HPF1: variants seen among roughly 807,000 people sequenced by gnomAD.
HPF1 encodes histone PARylation factor 1.
A neutral mutation model predicts 38.8 loss-of-function variants in HPF1; 35 were observed. That is an observed-to-expected ratio of 0.90 (90% CI 0.69 to 1.19). HPF1 has a LOEUF of 1.19. HPF1 is among the 50% of genes most tolerant of loss of function. HPF1 has a pLI of 0.00. For synonymous variants in HPF1, 115 were observed against 139.2 expected, an observed-to-expected ratio of 0.83 and a Z score of 1.22; for missense variants, 367 against 405.8, an observed-to-expected ratio of 0.90 and a Z score of 0.82.
chr4:169,752,479 G>A lies in HPF1; in HGVS notation c.208+1197C>T, dbSNP rs139232832. Among the ~76,000 whole-genome samples, 1,209 of 152,252 alleles carry A rather than the reference G, an allele frequency of 7.9e-3. 7 individuals are homozygous for A. Among genetic ancestry groups the A allele is most frequent in the Middle Eastern group, 0.02 (6 of 294 alleles). On this transcript the variant is annotated intron_variant, in intron 2 of 7. Transcript: ENST00000393381. ...AAAAATTTAAATAGTATAGTGCAAA[G>A]TAATGAACACAGCCCATTAACAGTT...
intron 6 of HPF1, among the ~76,000 whole-genome samples, chr4:169,733,517 C>G (rs1477644736): frequency 2.0e-5 from 3 of 152,142 alleles, no homozygotes; most frequent in African/African-American, 7.2e-5. Context: ...CAATTATACT[C>G]AAGAATGATA....
intron 1 of HPF1, among the ~76,000 whole-genome samples, chr4:169,756,411 C>G (rs1734188964): frequency 6.6e-6 from 1 of 152,222 alleles, no homozygotes; most frequent in Non-Finnish European, 1.5e-5. Context: ...ATCCTATCTT[C>G]TGTTTTCATA....
intron 5 of HPF1, among the ~76,000 whole-genome samples, chr4:169,739,650 T>TA (rs1415851924): frequency 3.9e-5 from 6 of 152,066 alleles, no homozygotes; most frequent in Admixed American, 6.6e-5. Context: ...GAATTTCTTC[T>TA]AAAAAAATAA....
intron 4 of HPF1, 39 bp downstream of exon 4, chr4:169,748,705 A>G (rs753309754): frequency 1.0e-6 from 1 of 999,846 alleles, no homozygotes; most frequent in South Asian, 1.5e-5. Flanking sequence ...CTAATGTAGT[A>G]TAAACATTGT....
At chr4:169,746,287 T>C (rs1175090373) in intron 4 of HPF1, among the ~76,000 whole-genome samples, 1 of 152,142 alleles carries the variant, frequency 6.6e-6, no homozygotes, top group African/African-American at 2.4e-5. Context: ...CTGTCCAAAA[T>C]CCCTTTAATA....
rs1581317091 is a variant in HPF1, at chr4:169,741,992, G to T, written c.613C>A (p.Gln205Lys). 4 of 1,613,464 alleles carry T rather than the reference G, an allele frequency of 2.5e-6. No individual in the cohort carries two copies. The highest frequency in any genetic ancestry group is 3.4e-6 in the Non-Finnish European group (4 of 1,179,464). ...CTCTGTTTCATCTTCACGGTTCTCT[G>T]TTCAAGCGAGTACCCCAATTCTCTG... is the stretch of plus-strand genomic sequence containing the variant. Reference protein sequence around the residue: ...AARELGYSLEQRTVKMKQRDK... With the variant: ...AARELGYSLEKRTVKMKQRDK... The change falls in exon 5 of 8, where the codon CAG (glutamine) becomes AAG (lysine). Residue 205 changes from glutamine (Q) to lysine (K), a missense_variant. Physicochemically the swap from Gln to Lys is moderately conservative, Grantham distance 53. Transcript: ENST00000393381.
chr4:169,731,786 G>T lies in HPF1; in HGVS notation c.827C>A (p.Thr276Asn), dbSNP rs202209635. Residue 276 changes from threonine (T) to asparagine (N), a missense_variant, in exon 7 of 8, where the codon ACT becomes AAT. Transcript: ENST00000393381. ...TTCATCATTAGCAAACTGCACAAAAGTCATCATTTCCTGAATGGGAGCAAA... is the reference window on the plus strand; with the variant it reads ...TTCATCATTAGCAAACTGCACAAAATTCATCATTTCCTGAATGGGAGCAAA... The part of the protein sequence containing the change: ...KAFAPIQEMM[T>N]FVQFANDECD... The T allele has an allele frequency of 3.1e-6, 5 of 1,606,632 alleles. No individual in the cohort carries two copies. In the East Asian group the frequency reaches 1.1e-4, roughly 36 times the overall value.
At position 169,729,491 on chromosome 4, in the gene HPF1, T is replaced by C. The variant is rs1733800529; in HGVS notation, c.*87A>G. On this transcript the variant is annotated 3_prime_UTR_variant, in exon 8 of 8. Transcript: ENST00000393381. ...TATAAACGTTTTTAGTAAATGTTTATTTTTTGTATTCCTTAAAAACAAAAC... is the reference window on the plus strand; with the variant it reads ...TATAAACGTTTTTAGTAAATGTTTACTTTTTGTATTCCTTAAAAACAAAAC... The C allele has an allele frequency of 8.7e-7, 1 of 1,149,606 alleles. No individual in the cohort carries two copies. The allele number at this position is 1,149,606 out of a possible 1,614,324, so 71.2% of individuals were successfully genotyped here.
intron 4 of HPF1, among the ~76,000 whole-genome samples, chr4:169,744,194 C>T (rs751649461): frequency 1.3e-5 from 2 of 152,162 alleles, no homozygotes; most frequent in Non-Finnish European, 2.9e-5. Flanking sequence ...TACCCTGTGC[C>T]ACGTATTTTC....
Position 169,731,878 on chromosome 4 carries a change from T to G in HPF1, c.737-2A>C, listed in dbSNP as rs1733834749. 2 of 1,607,462 alleles carry G rather than the reference T, an allele frequency of 1.2e-6. No individual in the cohort carries two copies. The highest frequency in any genetic ancestry group is 2.7e-5 in the African/African-American group (2 of 74,758). ...TCTTGCAAATTCTCTTGAGGTCAGC[T>G]GAAAGAAATCAATAATATAAAAGAT... On this transcript the variant is annotated splice_acceptor_variant, in intron 6 of 7. Transcript: ENST00000393381. LOFTEE classifies it high-confidence loss of function.
chr4:169,736,076 T>C (rs1733888472), intron 6 of HPF1, among the ~76,000 whole-genome samples: 1 of 151,986 alleles, frequency 6.6e-6, no homozygotes, highest in Non-Finnish European at 1.5e-5. Context: ...CTTAAACTAA[T>C]TAAAATTATA....
At chr4:169,742,250 C>T (rs1733979620) in intron 4 of HPF1, 143 bp from the exon 5 acceptor site, 2 of 681,410 alleles carry the variant, frequency 2.9e-6, no homozygotes, top group Admixed American at 2.8e-5. Flanking sequence ...CTCTCAAAAT[C>T]CCTAATAGTT....
chr4:169,754,039 C>T (rs1443580395), intron 1 of HPF1, among the ~76,000 whole-genome samples: 1 of 152,002 alleles, frequency 6.6e-6, no homozygotes, highest in Non-Finnish European at 1.5e-5. Flanking sequence ...GGAATCCACA[C>T]AGCAAGTCTT....
intron 6 of HPF1, among the ~76,000 whole-genome samples, chr4:169,733,203 T>A (rs1453878648): frequency 1.3e-5 from 2 of 152,198 alleles, no homozygotes; most frequent in African/African-American, 4.8e-5. Context: ...GAGGTAAGAA[T>A]AGAGAGAAAA....
At chr4:169,744,107 T>C (rs1479371721) in intron 4 of HPF1, among the ~76,000 whole-genome samples, 1 of 152,186 alleles carries the variant, frequency 6.6e-6, no homozygotes, top group Non-Finnish European at 1.5e-5. Flanking sequence ...ACAGATTTGA[T>C]CATGTCAGTC....
intron 4 of HPF1, among the ~76,000 whole-genome samples, chr4:169,744,711 C>T (rs1439245447): frequency 6.6e-6 from 1 of 152,090 alleles, no homozygotes; most frequent in African/African-American, 2.4e-5. Flanking sequence ...ATTTGAAACC[C>T]TGAATTTTAT....
In HPF1 at chr4:169,742,008, C is replaced by G; in HGVS notation, c.597G>C (p.Leu199Phe). The G allele has an allele frequency of 6.2e-7, 1 of 1,613,294 alleles. No individual in the cohort carries two copies. Among genetic ancestry groups the G allele is most frequent in the Middle Eastern group, 1.7e-4 (1 of 6,034 alleles). ...CGGTTCTCTGTTCAAGCGAGTACCC[C>G]AATTCTCTGGCTGCTTCTGTGAGTT... ...DEKLTEAARE[L>F]GYSLEQRTVK... is the part of the protein sequence containing the mutation. The change falls in exon 5 of 8, where the codon TTG (leucine) becomes TTC (phenylalanine). Residue 199 changes from leucine (L) to phenylalanine (F), a missense_variant. Physicochemically the swap from Leu to Phe is conservative, Grantham distance 22. Coordinates refer to ENST00000393381, the MANE Select transcript of HPF1 (RefSeq NM_017867.3).
chr4:169,748,472 G>A (rs1165144141), intron 4 of HPF1, among the ~76,000 whole-genome samples: 1 of 151,968 alleles, frequency 6.6e-6, no homozygotes, highest in African/African-American at 2.4e-5. Flanking sequence ...CTGTGTTCAA[G>A]CAATTCTCCT....
chr4:169,750,159 T>C (rs1323308985), intron 3 of HPF1, among the ~76,000 whole-genome samples: 2 of 152,182 alleles, frequency 1.3e-5, no homozygotes, highest in Non-Finnish European at 2.9e-5. Context: ...CAGTCAGTAA[T>C]GATACAGGGT....
Sources: allele counts gnomAD v4.1 joint callset (sites outside exome capture counted in the v4.1 genomes callset), GRCh38; gene constraint gnomAD v4.1.1; transcripts MANE v1.5; gene names NCBI Gene and HGNC (gene_info 2026-07-23, HGNC 2026-07-21).